Variants in THOC2 observed in about 807,000 individuals in gnomAD.
THOC2 encodes THO complex 2.
Under a neutral mutation model 128.4 loss-of-function variants are expected in THOC2, and 10 were observed. That is an observed-to-expected ratio of 0.08 (90% confidence interval 0.05 to 0.13). The LOEUF (loss-of-function observed/expected upper bound fraction) is 0.13, where lower values mean the gene tolerates loss of function less well. Ranked by LOEUF, THOC2 falls within the 10% of genes least tolerant of loss-of-function variation. THOC2 has a pLI of 1.00. For synonymous variants in THOC2, 393 were observed against 396.9 expected (o/e 0.99, Z 0.12); for missense variants, 535 against 1,155.7 (o/e 0.46, Z 7.79).
At chrX:123,638,388 G>A (rs915927765) in intron 17 of THOC2, among the ~76,000 whole-genome samples, 12 of 111,987 alleles carry the variant, frequency 1.1e-4, no homozygotes, top group Admixed American at 1.9e-4. Context: ...ACTGGGTGCA[G>A]TGGCTCATGC....
At chrX:123,654,993 A>G (rs967205325) in intron 12 of THOC2, among the ~76,000 whole-genome samples, 1 of 110,300 alleles carries the variant, frequency 9.1e-6, no homozygotes, top group Non-Finnish European at 1.9e-5. Flanking sequence ...AGATATAACT[A>G]GATAATTTTT....
At chrX:123,616,941 A>G (rs2046917432) in intron 33 of THOC2, among the ~76,000 whole-genome samples, 1 of 110,914 alleles carries the variant, frequency 9.0e-6, no homozygotes, top group African/African-American at 3.3e-5. Flanking sequence ...CGCATAACTA[A>G]AAAGTCAAAC....
chrX:123,607,342 C>T, intron 38 of THOC2, among the ~76,000 whole-genome samples: 1 of 111,577 alleles, frequency 9.0e-6, no homozygotes. Context: ...GTGGCATAAT[C>T]ATGACTTACT....
At chrX:123,653,091 C>A (rs1351686243) in intron 12 of THOC2, among the ~76,000 whole-genome samples, 1 of 111,577 alleles carries the variant, frequency 9.0e-6, no homozygotes, top group Non-Finnish European at 1.9e-5. Context: ...ACCAATGGAA[C>A]AGAACAGAAG....
intron 36 of THOC2, among the ~76,000 whole-genome samples, chrX:123,611,752 GA>G (rs200611070): frequency 0.048 from 4,978 of 103,658 alleles, 134 homozygotes; most frequent in Non-Finnish European, 0.072. Flanking sequence ...TAGAACTGGA[GA>G]AAAAATTTGC....
intron 33 of THOC2, among the ~76,000 whole-genome samples, chrX:123,617,043 C>G: frequency 9.0e-6 from 1 of 110,675 alleles, no homozygotes; most frequent in Non-Finnish European, 1.9e-5. Flanking sequence ...TAAAAGCTAC[C>G]TCAGAAACAG....
intron 8 of THOC2, among the ~76,000 whole-genome samples, chrX:123,677,337 C>T: frequency 9.0e-6 from 1 of 111,006 alleles, no homozygotes; most frequent in Non-Finnish European, 1.9e-5. Context: ...CTGTACACTA[C>T]TATATATTTT....
rs372132977 is a variant in THOC2, at chrX:123,724,346, A to G, written c.71+8606T>C. ...ACAGAGTAAACTTTTGCTGGTCAAC[A>G]ATTCACTTCTAGGTTTCACAAATAT... On this transcript the variant is annotated intron_variant, in intron 1 of 38. Transcript: ENST00000245838. Among the ~76,000 whole-genome samples, 35 of 111,829 alleles carry G rather than the reference A, an allele frequency of 3.1e-4. No individual in the cohort carries two copies. The East Asian group carries it at 8.1e-3, about 26-fold the overall frequency.
intron 1 of THOC2, among the ~76,000 whole-genome samples, chrX:123,723,541 A>C (rs1258062578): frequency 2.7e-5 from 3 of 111,823 alleles, no homozygotes; most frequent in Non-Finnish European, 5.6e-5. Flanking sequence ...GTTTAACAAG[A>C]CAGCATAAAA....
chrX:123,692,748 C>T (rs1160543182), intron 7 of THOC2, among the ~76,000 whole-genome samples: 1 of 110,696 alleles, frequency 9.0e-6, no homozygotes, highest in Non-Finnish European at 1.9e-5. Flanking sequence ...GTGATCTGCC[C>T]ACCTCGGCCA....
intron 38 of THOC2, among the ~76,000 whole-genome samples, chrX:123,607,483 T>A (rs757384380): frequency 3.0e-5 from 3 of 98,506 alleles, no homozygotes; most frequent in Non-Finnish European, 4.1e-5. Context: ...TTTATTTATT[T>A]ATTAGAAATG....
intron 7 of THOC2, among the ~76,000 whole-genome samples, chrX:123,689,552 A>T (rs1055918893): frequency 2.7e-5 from 3 of 110,608 alleles, no homozygotes; most frequent in African/African-American, 6.6e-5. Context: ...TCAGCCTCCC[A>T]ATTGGCCAGG....
intron 7 of THOC2, among the ~76,000 whole-genome samples, chrX:123,694,163 T>TA (rs933902648): frequency 7.4e-4 from 76 of 102,617 alleles, no homozygotes; most frequent in Middle Eastern, 5.0e-3. Flanking sequence ...GATATAAAGT[T>TA]AAAAAAAAAA....
At chrX:123,613,213 T>C (rs187031026) in intron 36 of THOC2, among the ~76,000 whole-genome samples, 186 bp downstream of exon 36, 1 of 111,103 alleles carries the variant, frequency 9.0e-6, no homozygotes, top group Non-Finnish European at 1.9e-5. Flanking sequence ...TCTACCCTCC[T>C]GGTAATCTGG....
chrX:123,661,147 G>A (rs1341913094), intron 12 of THOC2, among the ~76,000 whole-genome samples: 1 of 112,584 alleles, frequency 8.9e-6, no homozygotes, highest in Non-Finnish European at 1.9e-5. Flanking sequence ...GCTCACGCCT[G>A]TAATTCCAGC....
intron 1 of THOC2, among the ~76,000 whole-genome samples, chrX:123,729,243 T>G (rs1253393864): frequency 8.9e-6 from 1 of 112,068 alleles, no homozygotes; most frequent in African/African-American, 3.2e-5. Flanking sequence ...AGGTCACTCT[T>G]TAAGAGTTCT....
At chrX:123,639,802 T>TA (rs1433632086) in intron 16 of THOC2, among the ~76,000 whole-genome samples, 1 of 111,723 alleles carries the variant, frequency 9.0e-6, no homozygotes, top group African/African-American at 3.3e-5. Context: ...CCTTGCATCT[T>TA]AAAAAAATTA....
At chrX:123,615,655 ATACAC>A (rs1466426108) in intron 33 of THOC2, among the ~76,000 whole-genome samples, 4 of 102,640 alleles carry the variant, frequency 3.9e-5, no homozygotes, top group South Asian at 4.2e-4. Flanking sequence ...AAAAAAAAAA[ATACAC>A]ACACACACAC....
chrX:123,719,152 T>C (rs1248216325), intron 1 of THOC2, among the ~76,000 whole-genome samples: 1 of 104,886 alleles, frequency 9.5e-6, no homozygotes, highest in Non-Finnish European at 1.9e-5. Context: ...CATTCCAGCC[T>C]GGTCAACAAA....
Sources: gnomAD v4.1 joint callset for allele counts (sites outside exome capture counted in the v4.1 genomes callset) on GRCh38, gnomAD v4.1.1 for gene constraint, MANE v1.5 for transcripts, NCBI Gene and HGNC (gene_info 2026-07-23, HGNC 2026-07-21) for gene names.